FYN: variants seen among roughly 807,000 people sequenced by gnomAD.
FYN encodes tyrosine-protein kinase Fyn.
In FYN, 10 loss-of-function variants were observed where a neutral mutation model predicts 70.2. The ratio of observed to expected loss-of-function variants is 0.14; its 90% CI spans 0.09 to 0.24. FYN has a LOEUF of 0.24. FYN is among the 10% of genes least tolerant of loss of function. The pLI, the probability that FYN is intolerant of heterozygous loss-of-function variation, is 1.00. For synonymous variants in FYN, 236 were observed against 248.6 expected (o/e 0.95, Z 0.48); for missense variants, 319 against 673.1 (o/e 0.47, Z 5.82).
chr6:111,830,944 G>A (rs1772997570), intron 2 of FYN, among the ~76,000 whole-genome samples: 1 of 152,098 alleles, frequency 6.6e-6, no homozygotes, highest in African/African-American at 2.4e-5. Context: ...GCATGGGAGA[G>A]ACTAGGCAAG....
intron 1 of FYN, among the ~76,000 whole-genome samples, chr6:111,872,208 C>T (rs1238669154): frequency 6.6e-6 from 1 of 151,982 alleles, no homozygotes; most frequent in African/African-American, 2.4e-5. Context: ...CTCCTTCTGG[C>T]CCAGTCCCCT....
At chr6:111,674,732 G>T in intron 12 of FYN, 102 bp from the exon 13 acceptor site, 1 of 1,280,586 alleles carries the variant, frequency 7.8e-7, no homozygotes, top group Non-Finnish European at 1.1e-6. Context: ...CTGAGAGCAG[G>T]TTTAGAGGGG....
At chr6:111,670,677 G>A (rs984378941) in intron 13 of FYN, among the ~76,000 whole-genome samples, 1 of 151,744 alleles carries the variant, frequency 6.6e-6, no homozygotes, top group African/African-American at 2.4e-5. Flanking sequence ...GCAAAGGGAA[G>A]CCGTGGACGT....
At chr6:111,763,646 T>G (rs1444467924) in intron 3 of FYN, among the ~76,000 whole-genome samples, 3 of 152,236 alleles carry the variant, frequency 2.0e-5, no homozygotes, top group African/African-American at 7.2e-5. Flanking sequence ...CTTTAAACAT[T>G]AATATTATAA....
chr6:111,780,258 T>C (rs555594907), intron 3 of FYN, among the ~76,000 whole-genome samples: 26 of 152,380 alleles, frequency 1.7e-4, no homozygotes, highest in Non-Finnish European at 1.3e-4. Context: ...AGTTTATTAC[T>C]CTTATATTAT....
intron 2 of FYN, among the ~76,000 whole-genome samples, chr6:111,801,355 C>G (rs575290032): frequency 2.4e-3 from 366 of 152,256 alleles, no homozygotes; most frequent in Non-Finnish European, 4.1e-3. Flanking sequence ...CTCCATACAC[C>G]GTGTACATTT....
At chr6:111,814,823 T>G (rs1357200157) in intron 2 of FYN, among the ~76,000 whole-genome samples, 1 of 152,220 alleles carries the variant, frequency 6.6e-6, no homozygotes, top group Admixed American at 6.5e-5. Flanking sequence ...CTACTCTATA[T>G]GGGGCAGAAA....
intron 2 of FYN, among the ~76,000 whole-genome samples, chr6:111,803,868 G>A (rs1772065114): frequency 3.9e-5 from 6 of 152,206 alleles, no homozygotes; most frequent in Admixed American, 3.9e-4. Context: ...GCCATGGTAT[G>A]TTAATATGGG....
intron 6 of FYN, 33 bp downstream of exon 6, chr6:111,707,889 C>A: frequency 6.6e-7 from 1 of 1,508,574 alleles, no homozygotes; most frequent in South Asian, 1.1e-5. Flanking sequence ...CTTTTAAAAT[C>A]AAGTAGTTAA....
chr6:111,782,485 A>C (rs1337429684), intron 2 of FYN, among the ~76,000 whole-genome samples: 1 of 152,182 alleles, frequency 6.6e-6, no homozygotes, highest in Non-Finnish European at 1.5e-5. Flanking sequence ...CTATATTTAG[A>C]CTATAAATTA....
chr6:111,687,788 CATACA>C (rs1799086824), intron 12 of FYN, among the ~76,000 whole-genome samples: 2 of 152,112 alleles, frequency 1.3e-5, no homozygotes, highest in Non-Finnish European at 2.9e-5. Context: ...ACAGGGAAGC[CATACA>C]ATTCTATGAT....
chr6:111,758,797 G>C (rs111477762), intron 3 of FYN: 1,686 of 146,614 alleles, frequency 0.011, 20 homozygotes, highest in Non-Finnish European at 0.02. Flanking sequence ...GGCAGGACAG[G>C]AATGAAAATT....
chr6:111,673,332 T>C (rs1393828000), intron 13 of FYN, among the ~76,000 whole-genome samples: 1 of 152,120 alleles, frequency 6.6e-6, no homozygotes, highest in Non-Finnish European at 1.5e-5. Context: ...CCCGCATCTC[T>C]AAACGCCCAG....
chr6:111,803,801 G>A (rs928482702), intron 2 of FYN, among the ~76,000 whole-genome samples: 6 of 152,170 alleles, frequency 3.9e-5, no homozygotes, highest in Admixed American at 2.6e-4. Flanking sequence ...AGCCAACAGC[G>A]CAAATGTAGA....
intron 13 of FYN, 72 bp from the exon 14 acceptor site, chr6:111,662,019 C>G: frequency 7.9e-7 from 1 of 1,261,662 alleles, no homozygotes; most frequent in South Asian, 1.4e-5. Context: ...TGCAGATCCC[C>G]TTTCTTCTTC....
At chr6:111,684,951 T>C (rs1388571871) in intron 12 of FYN, among the ~76,000 whole-genome samples, 2 of 152,148 alleles carry the variant, frequency 1.3e-5, no homozygotes, top group Non-Finnish European at 2.9e-5. Flanking sequence ...CCTTCCAGTT[T>C]CCGAAGAGCC....
chr6:111,752,767 C>T (rs967544745), intron 3 of FYN, among the ~76,000 whole-genome samples: 3 of 152,128 alleles, frequency 2.0e-5, no homozygotes, highest in African/African-American at 4.8e-5. Flanking sequence ...TCTGGCAGCT[C>T]CATGCAGAAT....
intron 2 of FYN, among the ~76,000 whole-genome samples, chr6:111,825,068 C>T (rs1772789833): frequency 6.6e-6 from 1 of 152,174 alleles, no homozygotes; most frequent in African/African-American, 2.4e-5. Flanking sequence ...CTGACAGAGT[C>T]AGAAAGCCAT....
chr6:111,753,181 G>T (rs1752233607), intron 3 of FYN, among the ~76,000 whole-genome samples: 1 of 152,146 alleles, frequency 6.6e-6, no homozygotes, highest in Admixed American at 6.5e-5. Context: ...TTTAGCATTT[G>T]GTCTGATCCT....
Sources: allele counts gnomAD v4.1 joint callset (sites outside exome capture counted in the v4.1 genomes callset), GRCh38; gene constraint gnomAD v4.1.1; transcripts MANE v1.5; gene names NCBI Gene and HGNC (gene_info 2026-07-23, HGNC 2026-07-21).